Variants in NR6A1 observed in about 807,000 individuals in gnomAD.
NR6A1 encodes retinoic acid receptor-related testis-associated receptor.
A neutral mutation model predicts 59.1 loss-of-function variants in NR6A1; 7 were observed. The ratio of observed to expected loss-of-function variants is 0.12; its 90% CI spans 0.07 to 0.22. NR6A1 has a LOEUF of 0.22. NR6A1 is among the 10% of genes least tolerant of loss of function. The pLI is 1.00. For missense variants in NR6A1, 468 were observed against 611.6 expected (o/e 0.77, Z 2.48); for synonymous variants, 243 against 236.1 (o/e 1.03, Z -0.27).
Position 124,771,109 on chromosome 9 carries a change from T to A in NR6A1, c.11A>T (p.Asp4Val). 1 of 1,229,370 alleles carries A rather than the reference T, an allele frequency of 8.1e-7. No homozygotes were observed. Among genetic ancestry groups the A allele is most frequent in the Non-Finnish European group, 1.0e-6 (1 of 985,972 alleles). 76.2% of individuals were successfully genotyped at this position (1,229,370 alleles called of 1,614,324 possible). A position where few individuals can be genotyped will look rare whatever the true frequency, so the allele number is the denominator to read the frequency against. The change falls in exon 1 of 10, where the codon GAC (aspartate) becomes GTC (valine). Residue 4 changes from aspartate (D) to valine (V), a missense_variant. By Grantham distance (152) the Asp-to-Val change is radical. Transcript: ENST00000487099. ...TCCCCCTCCGCTAGGCGGCGGTTCG[T>A]CCCGCTCCATGCGGTGGTGCCTAGG... The part of the protein sequence containing the change: MER[D>V]EPPPSGGGGG...
intron 2 of NR6A1, among the ~76,000 whole-genome samples, chr9:124,613,416 G>T (rs1287931879): frequency 6.6e-6 from 1 of 152,096 alleles, no homozygotes; most frequent in Non-Finnish European, 1.5e-5. Context: ...GAAGGCCAAG[G>T]TGGGCAGATT....
intron 2 of NR6A1, among the ~76,000 whole-genome samples, chr9:124,711,760 G>A (rs1839287204): frequency 6.6e-6 from 1 of 152,156 alleles, no homozygotes; most frequent in South Asian, 2.1e-4. Flanking sequence ...AAGCTTGAGA[G>A]GCAAGAGAAG....
chr9:124,747,814 C>T lies in NR6A1; in HGVS notation c.101-14465G>A, dbSNP rs186125207. ...GACATTTTCATTCTCTCTCAAATAT[C>T]CCTAGATCAAGCTCAAGGCATCTAA... On this transcript the variant is annotated intron_variant, in intron 1 of 9. Transcript: ENST00000487099. Among the ~76,000 whole-genome samples, 244 of 152,224 alleles carry T rather than the reference C, an allele frequency of 1.6e-3. 1 individual carries two copies. Among genetic ancestry groups the T allele is most frequent in the African/African-American group, 5.5e-3 (227 of 41,534 alleles).
At chr9:124,657,102 T>A (rs762223667) in intron 2 of NR6A1, among the ~76,000 whole-genome samples, 1 of 152,092 alleles carries the variant, frequency 6.6e-6, no homozygotes, top group Non-Finnish European at 1.5e-5. Flanking sequence ...AAAAAAAAGA[T>A]TGTCTTGTGG....
chr9:124,589,142 A>G (rs1385690195), intron 2 of NR6A1, among the ~76,000 whole-genome samples: 1 of 152,034 alleles, frequency 6.6e-6, no homozygotes, highest in Non-Finnish European at 1.5e-5. Flanking sequence ...CAACTACCTC[A>G]TGGCAAAGTT....
chr9:124,662,863 C>G (rs933227842), intron 2 of NR6A1, among the ~76,000 whole-genome samples: 6 of 152,030 alleles, frequency 3.9e-5, no homozygotes, highest in Non-Finnish European at 8.8e-5. Flanking sequence ...TTAGATAAGA[C>G]GACAAAGGTC....
At chr9:124,730,447 T>G (rs1839848374) in intron 2 of NR6A1, among the ~76,000 whole-genome samples, 1 of 151,746 alleles carries the variant, frequency 6.6e-6, no homozygotes, top group African/African-American at 2.4e-5. Context: ...CAGGCTGGTC[T>G]CAAACTCCTG....
chr9:124,607,658 A>G (rs542778375), intron 2 of NR6A1, among the ~76,000 whole-genome samples: 1 of 152,316 alleles, frequency 6.6e-6, no homozygotes, highest in East Asian at 1.9e-4. Context: ...GAACTGAAAG[A>G]GATAATCTTA....
At chr9:124,744,947 TTTTC>T (rs2131157005) in intron 1 of NR6A1, among the ~76,000 whole-genome samples, 1 of 152,320 alleles carries the variant, frequency 6.6e-6, no homozygotes, top group South Asian at 2.1e-4. Flanking sequence ...TTTTTCCTTA[TTTTC>T]TTTAAAATCT....
chr9:124,567,918 G>A (rs1283771630), intron 2 of NR6A1, among the ~76,000 whole-genome samples: 1 of 143,286 alleles, frequency 7.0e-6, no homozygotes, highest in Non-Finnish European at 1.5e-5. Flanking sequence ...GCTCATGCCT[G>A]TAATCCCAGA....
chr9:124,750,005 T>G (rs1840449894), intron 1 of NR6A1, among the ~76,000 whole-genome samples: 2 of 152,188 alleles, frequency 1.3e-5, no homozygotes, highest in Admixed American at 1.3e-4. Flanking sequence ...CCTGAATAAG[T>G]CACAGTGACC....
chr9:124,664,046 G>A (rs1167520106), intron 2 of NR6A1, among the ~76,000 whole-genome samples: 1 of 152,062 alleles, frequency 6.6e-6, no homozygotes, highest in African/African-American at 2.4e-5. Flanking sequence ...CCAAGAATGA[G>A]AAATTAAAAT....
intron 2 of NR6A1, among the ~76,000 whole-genome samples, chr9:124,643,692 G>A (rs76472953): frequency 0.01 from 1,469 of 146,890 alleles, 26 homozygotes; most frequent in African/African-American, 0.036. Context: ...TTGAGCCCAT[G>A]AGCCCAGGAG....
intron 3 of NR6A1, among the ~76,000 whole-genome samples, chr9:124,546,613 T>A (rs969674859): frequency 6.6e-6 from 1 of 152,178 alleles, no homozygotes; most frequent in Non-Finnish European, 1.5e-5. Flanking sequence ...AAAGTTTTAA[T>A]GAGGTGGTAA....
intron 2 of NR6A1, among the ~76,000 whole-genome samples, chr9:124,688,630 G>A (rs752910589): frequency 5.3e-5 from 8 of 152,170 alleles, no homozygotes; most frequent in Non-Finnish European, 8.8e-5. Context: ...GTAGCCACTC[G>A]TAACAAGATG....
At chr9:124,712,607 CA>C (rs5900623) in intron 2 of NR6A1, among the ~76,000 whole-genome samples, 73,311 of 141,288 alleles carry the variant, frequency 0.52, 17,909 homozygotes, top group Admixed American at 0.61. Context: ...GACCCTGTCT[CA>C]AAAAAAAAAA....
rs907610680 is a variant in NR6A1 at position 124,771,250 on chromosome 9, G to A, written c.-131C>T. 2 of 459,658 alleles carry A rather than the reference G, an allele frequency of 4.4e-6. No homozygotes were observed. The highest frequency in any genetic ancestry group is 2.0e-5 in the African/African-American group (1 of 49,578). 28.5% of individuals were successfully genotyped at this position (459,658 alleles called of 1,614,324 possible). On this transcript the variant is annotated 5_prime_UTR_variant, in exon 1 of 10. Transcript: ENST00000487099. ...GAGCTCCCGGCCGCGGCTCTCTCTGGGCCCCGAGCCGCCCGGCTCCGCGCC... is the reference window on the plus strand; with the variant it reads ...GAGCTCCCGGCCGCGGCTCTCTCTGAGCCCCGAGCCGCCCGGCTCCGCGCC...
At chr9:124,750,210 T>C (rs1840455825) in intron 1 of NR6A1, among the ~76,000 whole-genome samples, 1 of 152,220 alleles carries the variant, frequency 6.6e-6, no homozygotes, top group Admixed American at 6.5e-5. Context: ...TATCAAATAG[T>C]ATTTAAGAGC....
intron 2 of NR6A1, among the ~76,000 whole-genome samples, chr9:124,564,949 C>T (rs2131411496): frequency 6.6e-6 from 1 of 152,080 alleles, no homozygotes; most frequent in African/African-American, 2.4e-5. Flanking sequence ...CATTGCAGAG[C>T]ACTGAGAAAA....
Sources: allele counts gnomAD v4.1 joint callset (sites outside exome capture counted in the v4.1 genomes callset), GRCh38; gene constraint gnomAD v4.1.1; transcripts MANE v1.5; gene names NCBI Gene and HGNC (gene_info 2026-07-23, HGNC 2026-07-21).